CATSPERE: variants seen among roughly 807,000 people sequenced by gnomAD.
CATSPERE encodes the protein catsper channel auxiliary subunit epsilon.
In CATSPERE, 93 loss-of-function variants were observed where a neutral mutation model predicts 114.1. The observed-to-expected ratio is 0.81, with a 90% confidence interval of 0.69 to 0.97. CATSPERE has a LOEUF of 0.97. CATSPERE is among the 50% of genes least tolerant of loss of function. The pLI, the probability that CATSPERE is intolerant of heterozygous loss-of-function variation, is 0.00. For missense variants in CATSPERE, 1,058 were observed against 1,131.6 expected (o/e 0.93, Z 0.93); for synonymous variants, 341 against 384.1 (o/e 0.89, Z 1.31).
intron 17 of CATSPERE, among the ~76,000 whole-genome samples, chr1:244,604,681 C>T (rs1276707910): frequency 6.6e-6 from 1 of 152,196 alleles, no homozygotes; most frequent in East Asian, 1.9e-4. Flanking sequence ...GGGACAATTT[C>T]ATTCAGAAAT....
intron 2 of CATSPERE, among the ~76,000 whole-genome samples, chr1:244,473,693 G>A (rs12068598): frequency 0.22 from 34,082 of 151,842 alleles, 4,436 homozygotes; most frequent in African/African-American, 0.34. Flanking sequence ...CAAAGTCACC[G>A]AGGTCTTCTC....
At chr1:244,455,056 T>C (rs950777659) in intron 1 of CATSPERE, among the ~76,000 whole-genome samples, 1 of 152,178 alleles carries the variant, frequency 6.6e-6, no homozygotes, top group Non-Finnish European at 1.5e-5. Flanking sequence ...CTTGAGCAGT[T>C]AAAAGCCTTT....
intron 10 of CATSPERE, among the ~76,000 whole-genome samples, chr1:244,567,048 CA>C (rs1009312714): frequency 1.4e-4 from 22 of 152,222 alleles, no homozygotes; most frequent in African/African-American, 5.1e-4. Context: ...CTGGTGGTGA[CA>C]AAATCTCTCA....
intron 20 of CATSPERE, among the ~76,000 whole-genome samples, chr1:244,629,529 T>G (rs1673652040): frequency 1.0e-5 from 1 of 95,734 alleles, no homozygotes. Context: ...TTTTTTTTGG[T>G]AGGGACAAGG....
At chr1:244,496,454 A>G (rs764434264) in intron 6 of CATSPERE, among the ~76,000 whole-genome samples, 29 of 152,190 alleles carry the variant, frequency 1.9e-4, no homozygotes, top group Non-Finnish European at 4.0e-4. Flanking sequence ...AAACCAGTTG[A>G]ACTTTTGACT....
intron 5 of CATSPERE, among the ~76,000 whole-genome samples, chr1:244,489,864 G>C (rs560811384): frequency 2.2e-4 from 34 of 152,258 alleles, no homozygotes; most frequent in African/African-American, 6.7e-4. Context: ...AAAAATGAGG[G>C]AGGGATTACT....
At chr1:244,562,678 G>T (rs1662756313) in intron 10 of CATSPERE, among the ~76,000 whole-genome samples, 1 of 151,812 alleles carries the variant, frequency 6.6e-6, no homozygotes, top group Admixed American at 6.6e-5. Context: ...AAATTTATTG[G>T]CCATATTCTT....
Position 244,610,296 on chromosome 1 carries a change from C to A in CATSPERE, c.2460C>A (p.His820Gln). The A allele has an allele frequency of 1.2e-6, 2 of 1,613,106 alleles. No individual in the cohort carries two copies. The highest frequency in any genetic ancestry group is 1.7e-6 in the Non-Finnish European group (2 of 1,179,338). The change falls in exon 19 of 22, where the codon CAC (histidine) becomes CAA (glutamine). Residue 820 changes from histidine to glutamine, a missense_variant. By Grantham distance (24) the His-to-Gln change is conservative. Transcript: ENST00000366534. ...AGTCAATGATTGAACTTAACAAGCA[C>A]CTCCCACTAGAAGAAGTCTGGGGAC... Reference protein sequence around the residue: ...TWKSMIELNKHLPLEEVWGPE... With the variant: ...TWKSMIELNKQLPLEEVWGPE...
At chr1:244,630,321 T>C (rs1486412469) in intron 20 of CATSPERE, among the ~76,000 whole-genome samples, 1 of 152,236 alleles carries the variant, frequency 6.6e-6, no homozygotes, top group African/African-American at 2.4e-5. Context: ...TGAGTTTTAC[T>C]GTTTTCTGTA....
intron 18 of CATSPERE, among the ~76,000 whole-genome samples, chr1:244,608,553 T>A (rs910811245): frequency 1.5e-4 from 22 of 149,488 alleles, no homozygotes; most frequent in African/African-American, 4.2e-4. Flanking sequence ...AAAAAAAAAA[T>A]TGCATTTCAG....
intron 6 of CATSPERE, among the ~76,000 whole-genome samples, chr1:244,496,357 C>T (rs371603086): frequency 6.6e-6 from 1 of 152,154 alleles, no homozygotes; most frequent in Non-Finnish European, 1.5e-5. Flanking sequence ...AGTGTTTTCA[C>T]GCTTAGGACC....
chr1:244,598,481 A>G lies in CATSPERE; in HGVS notation c.2303+4903A>G, dbSNP rs1008795221. On this transcript the variant is annotated intron_variant, in intron 17 of 21. Coordinates refer to ENST00000366534, the MANE Select transcript of CATSPERE (RefSeq NM_001130957.2). ...ATCATTTTTGTTCCAGGGATGTACT[A>G]CTTGGGATTCTCCAATTGCTCCTTC... The G allele has an allele frequency of 4.0e-5, 7 of 173,720 alleles. 1 individual carries two copies. The highest frequency in any genetic ancestry group is 2.5e-4 in the South Asian group (2 of 7,844). 10.8% of individuals were successfully genotyped at this position (173,720 alleles called of 1,614,324 possible). A position where few individuals can be genotyped will look rare whatever the true frequency, so the allele number is the denominator to read the frequency against.
chr1:244,610,694 C>G (rs1345499502), intron 19 of CATSPERE: 1 of 218,228 alleles, frequency 4.6e-6, no homozygotes, highest in Non-Finnish European at 9.3e-6. Flanking sequence ...CCCTGGCCAC[C>G]ATATGGAAAA....
At chr1:244,456,714 G>A (rs1306556387), upstream of CATSPERE, among the ~76,000 whole-genome samples, 1 of 152,176 alleles carries the variant, frequency 6.6e-6, no homozygotes, top group African/African-American at 2.4e-5. Flanking sequence ...TTAGGCTATA[G>A]ATAAGGCCTG....
At chr1:244,512,461 GTTGT>G (rs1253166078) in intron 7 of CATSPERE, among the ~76,000 whole-genome samples, 3 of 151,806 alleles carry the variant, frequency 2.0e-5, no homozygotes, top group Non-Finnish European at 4.4e-5. Flanking sequence ...TTTTCTTTGT[GTTGT>G]TTATTTGTGT....
intron 19 of CATSPERE, among the ~76,000 whole-genome samples, chr1:244,615,622 T>G (rs1310235074): frequency 6.6e-6 from 1 of 152,034 alleles, no homozygotes; most frequent in Non-Finnish European, 1.5e-5. Flanking sequence ...TCAGCTCCAC[T>G]GTAATCTTAC....
chr1:244,528,252 C>A (rs907517305), intron 8 of CATSPERE, among the ~76,000 whole-genome samples: 1 of 152,132 alleles, frequency 6.6e-6, no homozygotes, highest in African/African-American at 2.4e-5. Context: ...GTTTGCTGAG[C>A]ATAATGGCTT....
chr1:244,510,829 C>T (rs796105930), intron 7 of CATSPERE, among the ~76,000 whole-genome samples: 741 of 84,986 alleles, frequency 8.7e-3, no homozygotes, highest in Middle Eastern at 0.02. Context: ...TTTTCTTTTT[C>T]TTTTTCTTTT....
chr1:244,635,527 T>C lies in CATSPERE; in HGVS notation c.2687T>C (p.Phe896Ser), dbSNP rs772363684. Residue 896 changes from phenylalanine (F) to serine (S), a missense_variant, in exon 21 of 22, where the codon TTT becomes TCT. By Grantham distance (155) the Phe-to-Ser change is radical. Around this residue, in one of 2 missense-constraint regions of CATSPERE, gnomAD observed 787 missense variants for 905.6 expected, o/e 0.87. Transcript: ENST00000366534. ...NLTAMFAIET[F>S]GLIPSPSVYL... ...ACAGCTATGTTTGCAATAGAGACAT[T>C]TGGACTGATTCCCAGGTAAGGAGCA... The C allele has an allele frequency of 4.3e-6, 7 of 1,612,714 alleles. No individual in the cohort carries two copies. In the African/African-American group the frequency reaches 6.7e-5, roughly 15 times the overall value.
Sources: allele counts gnomAD v4.1 joint callset (sites outside exome capture counted in the v4.1 genomes callset), GRCh38; gene constraint gnomAD v4.1.1; regional missense constraint gnomAD v4.1.1; transcripts MANE v1.5; gene names NCBI Gene and HGNC (gene_info 2026-07-23, HGNC 2026-07-21).